SLC6A12: variants seen among roughly 807,000 people sequenced by gnomAD.
SLC6A12 encodes the protein sodium- and chloride-dependent betaine transporter.
In SLC6A12, 50 loss-of-function variants were observed where a neutral mutation model predicts 73.3. The ratio of observed to expected loss-of-function variants is 0.68; its 90% CI spans 0.54 to 0.86. The LOEUF is 0.86. SLC6A12 is among the 40% of genes least tolerant of loss of function. SLC6A12 has a pLI of 0.00. For synonymous variants in SLC6A12, 304 were observed against 309.2 expected (o/e 0.98, Z 0.18); for missense variants, 648 against 772.8 (o/e 0.84, Z 1.92).
downstream of SLC6A12, among the ~76,000 whole-genome samples, chr12:189,024 G>A (rs1434613028): frequency 2.0e-5 from 3 of 152,242 alleles, no homozygotes; most frequent in African/African-American, 7.2e-5. Flanking sequence ...AGAGGATGGC[G>A]AATTGGTGCA....
At chr12:197,867 C>T in intron 9 of SLC6A12, 33 bp downstream of exon 9, 2 of 1,362,028 alleles carry the variant, frequency 1.5e-6, no homozygotes, top group Non-Finnish European at 2.1e-6. Context: ...CCCCAACCCT[C>T]CTTCACCCCA....
intron 11 of SLC6A12, 54 bp from the exon 12 acceptor site, chr12:196,315 C>G (rs1939864091): frequency 1.3e-6 from 2 of 1,564,786 alleles, no homozygotes. Context: ...CTGTTGGCCA[C>G]CAGCCCTGGC....
At chr12:185,609 G>A (rs559095103), downstream of SLC6A12, among the ~76,000 whole-genome samples, 14 of 152,352 alleles carry the variant, frequency 9.2e-5, no homozygotes, top group East Asian at 1.9e-3. Flanking sequence ...GGATGGACAC[G>A]AGCCTGCAAG....
At chr12:193,479 C>A in intron 13 of SLC6A12, 102 bp from the exon 14 acceptor site, 1 of 816,738 alleles carries the variant, frequency 1.2e-6, no homozygotes. Flanking sequence ...CCCTCACCCC[C>A]GCCCTGTGCA....
At chr12:193,201 G>A (rs1373251342) in intron 14 of SLC6A12, 76 bp downstream of exon 14, 2 of 1,049,398 alleles carry the variant, frequency 1.9e-6, no homozygotes, top group African/African-American at 3.1e-5. Flanking sequence ...AGCCCTGCAT[G>A]TCAGCCGTCC....
chr12:204,793 A>G, intron 3 of SLC6A12, 95 bp from the exon 4 acceptor site: 2 of 1,401,660 alleles, frequency 1.4e-6, no homozygotes, highest in Admixed American at 2.0e-5. Context: ...CCCGCCCTCC[A>G]CCATCCTGTT....
At chr12:188,584 CGAGGGCTGT>C (rs1939487105), downstream of SLC6A12, among the ~76,000 whole-genome samples, 1 of 152,202 alleles carries the variant, frequency 6.6e-6, no homozygotes, top group African/African-American at 2.4e-5. Flanking sequence ...CGAGAGCGAG[CGAGGGCTGT>C]GAGGGCTGGG....
downstream of SLC6A12, among the ~76,000 whole-genome samples, chr12:187,478 G>GGT (rs1317718014): frequency 1.3e-5 from 2 of 151,482 alleles, no homozygotes; most frequent in Non-Finnish European, 2.9e-5. Context: ...ATGGTTCAGT[G>GGT]GTCTCGCTGG....
At chr12:212,408 G>A (rs1311545943) in intron 1 of SLC6A12, among the ~76,000 whole-genome samples, 1 of 152,206 alleles carries the variant, frequency 6.6e-6, no homozygotes, top group Admixed American at 6.5e-5. Context: ...GGGCAGGGAA[G>A]CGAATCACAG....
chr12:200,133 C>T (rs1317940865), intron 7 of SLC6A12, among the ~76,000 whole-genome samples: 6 of 116,746 alleles, frequency 5.1e-5, no homozygotes, highest in South Asian at 2.8e-4. Context: ...TTTTTTGAGA[C>T]GGAGTCTGGC....
chr12:184,807 G>A, the SLC6A12 span, among the ~76,000 whole-genome samples: 2 of 152,058 alleles, frequency 1.3e-5, no homozygotes, highest in East Asian at 1.9e-4. Flanking sequence ...GGTGGCTTAT[G>A]CCTGTAATCC....
intron 10 of SLC6A12, among the ~76,000 whole-genome samples, chr12:197,146 C>CATCTATCCATCCATCT (rs1163402557): frequency 2.1e-5 from 2 of 95,454 alleles, no homozygotes; most frequent in African/African-American, 3.5e-5. Context: ...TCCATCCATC[C>CATCTATCCATCCATCT]ATCCATCCAT....
chr12:208,843 C>T (rs1940778289), intron 3 of SLC6A12, among the ~76,000 whole-genome samples: 1 of 152,104 alleles, frequency 6.6e-6, no homozygotes, highest in South Asian at 2.1e-4. Context: ...GGAACTGGCC[C>T]CTCCCCACCA....
At chr12:185,734 A>G (rs505387), downstream of SLC6A12, among the ~76,000 whole-genome samples, 58,141 of 152,032 alleles carry the variant, frequency 0.38, 11,267 homozygotes, top group South Asian at 0.48. Flanking sequence ...CAGACCTGAC[A>G]GGCCATCTGC....
At chr12:197,174 C>CATCCATCCATCCATCTATCCATCCATCT (rs1939949170) in intron 10 of SLC6A12, among the ~76,000 whole-genome samples, 2 of 12,072 alleles carry the variant, frequency 1.7e-4, no homozygotes, top group Non-Finnish European at 3.2e-4. Flanking sequence ...TCCATCCATC[C>CATCCATCCATCCATCTATCCATCCATCT]ATCCATCCAT....
Position 197,427 on chromosome 12 carries a change from C to T in SLC6A12, c.1025G>A (p.Gly342Asp). 1 of 1,613,862 alleles carries T rather than the reference C, an allele frequency of 6.2e-7. No homozygotes were observed. The highest frequency in any genetic ancestry group is 8.5e-7 in the Non-Finnish European group (1 of 1,179,918). ...VAGFVVFSILGFMSQEQGVPI... is the reference protein window; with the variant it reads ...VAGFVVFSILDFMSQEQGVPI... ...CACCCCTTGCTCTTGGGACATGAAG[C>T]CCAGGATGGAGAAGACAACAAACCC... The change falls in exon 10 of 16, where the codon GGC (glycine) becomes GAC (aspartate). Residue 342 changes from glycine (G) to aspartate (D), a missense_variant. Gly to Asp is a moderately conservative substitution (Grantham distance 94). Transcript: ENST00000684302.
chr12:211,620 A>G (rs1287755867), intron 2 of SLC6A12, among the ~76,000 whole-genome samples: 4 of 152,204 alleles, frequency 2.6e-5, no homozygotes, highest in African/African-American at 9.6e-5. Context: ...GTTGGGCCCC[A>G]GGGGAGAAGT....
At chr12:184,529 T>C in the SLC6A12 span, among the ~76,000 whole-genome samples, 2 of 152,110 alleles carry the variant, frequency 1.3e-5, no homozygotes, top group Non-Finnish European at 2.9e-5. Context: ...GGCGGGCGGA[T>C]CACGAGGTCA....
At chr12:207,892 C>T (rs940428226) in intron 3 of SLC6A12, among the ~76,000 whole-genome samples, 12 of 152,250 alleles carry the variant, frequency 7.9e-5, no homozygotes, top group Middle Eastern at 3.4e-3. Flanking sequence ...AGGAGGTAAC[C>T]GGATCCGATA....
Sources: allele counts gnomAD v4.1 joint callset (sites outside exome capture counted in the v4.1 genomes callset), GRCh38; gene constraint gnomAD v4.1.1; transcripts MANE v1.5; gene names NCBI Gene and HGNC (gene_info 2026-07-23, HGNC 2026-07-21).